Variants in BMP5 observed in about 807,000 individuals in gnomAD.
BMP5 encodes the protein bone morphogenetic protein 5.
A neutral mutation model predicts 46.6 loss-of-function variants in BMP5; 23 were observed. That is an observed-to-expected ratio of 0.49 (90% CI 0.35 to 0.70). The LOEUF (loss-of-function observed/expected upper bound fraction) is 0.70. Ranked by LOEUF, BMP5 falls within the 30% of genes least tolerant of loss-of-function variation. The pLI is 0.00. For missense variants in BMP5, 545 were observed against 565.6 expected, an observed-to-expected ratio of 0.96 and a Z score of 0.37; for synonymous variants, 204 against 191.9, an observed-to-expected ratio of 1.06 and a Z score of -0.52.
chr6:55,844,045 T>C (rs1777035584), intron 1 of BMP5, among the ~76,000 whole-genome samples: 1 of 152,034 alleles, frequency 6.6e-6, no homozygotes. Context: ...TATGAATCTG[T>C]ATTTATAATA....
intron 2 of BMP5, among the ~76,000 whole-genome samples, chr6:55,816,122 A>C (rs1452096020): frequency 6.6e-6 from 1 of 152,120 alleles, no homozygotes; most frequent in Non-Finnish European, 1.5e-5. Context: ...TAAATAACCA[A>C]CTATAAACTC....
intron 1 of BMP5, among the ~76,000 whole-genome samples, chr6:55,828,502 A>AT (rs1327206358): frequency 6.6e-6 from 1 of 151,784 alleles, no homozygotes; most frequent in African/African-American, 2.4e-5. Context: ...TCTCCATGCC[A>AT]TTTTACATAT....
intron 4 of BMP5, chr6:55,772,957 A>T: frequency 1.0e-6 from 1 of 977,836 alleles, no homozygotes; most frequent in Non-Finnish European, 1.2e-6. Context: ...TCTATTTCTT[A>T]TCTAAACACT....
rs764507596 is a variant in BMP5, at chr6:55,774,251, G to A, written c.833-8C>T. 2.3e-5 allele frequency: 37 copies of A among 1,611,384 alleles called. No homozygotes were observed. Among genetic ancestry groups the A allele is most frequent in the East Asian group, 6.7e-5 (3 of 44,848 alleles). On this transcript the variant is annotated splice_polypyrimidine_tract_variant and splice_region_variant and intron_variant, in intron 3 of 6. Transcript: ENST00000370830. ...TTACGTTGATACTGCGTCCTAGAAC[G>A]TAATACAAAAGCACTTGGTTTATGA...
At chr6:55,864,227 A>C (rs1465441404) in intron 1 of BMP5, among the ~76,000 whole-genome samples, 2 of 152,170 alleles carry the variant, frequency 1.3e-5, no homozygotes, top group Non-Finnish European at 2.9e-5. Context: ...ATCTAGCAGT[A>C]ATTATCACTA....
intron 1 of BMP5, among the ~76,000 whole-genome samples, chr6:55,844,325 T>G (rs552720027): frequency 4.3e-4 from 66 of 152,158 alleles, no homozygotes; most frequent in African/African-American, 1.6e-3. Flanking sequence ...ATAAAAACAT[T>G]GGCAGATTCT....
chr6:55,837,337 A>AGATAGAT (rs1554184981), intron 1 of BMP5, among the ~76,000 whole-genome samples: 1 of 98,782 alleles, frequency 1.0e-5, no homozygotes, highest in African/African-American at 4.4e-5. Context: ...AAACTAATTT[A>AGATAGAT]GATAGATAGA....
Position 55,819,665 on chromosome 6 carries a change from A to G in BMP5, c.673T>C (p.Tyr225His). 1 of 1,610,164 alleles carries G rather than the reference A, an allele frequency of 6.2e-7. No individual in the cohort carries two copies. The highest frequency in any genetic ancestry group is 8.5e-7 in the Non-Finnish European group (1 of 1,176,718). The change falls in exon 2 of 7, where the codon TAC becomes CAC. Residue 225 changes from tyrosine (Y) to histidine (H), a missense_variant. Physicochemically the swap from Tyr to His is moderately conservative, Grantham distance 83. Transcript: ENST00000370830. ...KISIYQIIKEYTNRDADLFLL... is the reference protein window; with the variant it reads ...KISIYQIIKEHTNRDADLFLL... The stretch of plus-strand genomic sequence containing the variant: ...ATAAAAAGATTATACCTATTTGTGT[A>G]TTCCTTGATGATTTGATATATGCTA...
At chr6:55,767,227 G>A (rs1057099138) in intron 4 of BMP5, among the ~76,000 whole-genome samples, 3 of 151,934 alleles carry the variant, frequency 2.0e-5, no homozygotes, top group Non-Finnish European at 2.9e-5. Flanking sequence ...CAAAAGATAA[G>A]AAATCCTGTG....
intron 2 of BMP5, among the ~76,000 whole-genome samples, chr6:55,815,790 A>G (rs528386641): frequency 6.6e-6 from 1 of 152,304 alleles, no homozygotes; most frequent in South Asian, 2.1e-4. Flanking sequence ...TGGACTGTTA[A>G]TAAAAATAAG....
At chr6:55,831,778 C>T (rs954416530) in intron 1 of BMP5, among the ~76,000 whole-genome samples, 25 of 152,096 alleles carry the variant, frequency 1.6e-4, no homozygotes, top group African/African-American at 6.0e-4. Context: ...AGACTAAAAA[C>T]CAGTGTTCCC....
At chr6:55,802,186 C>T (rs143219142) in intron 2 of BMP5, among the ~76,000 whole-genome samples, 1 of 152,230 alleles carries the variant, frequency 6.6e-6, no homozygotes, top group African/African-American at 2.4e-5. Context: ...TATGTTGGTC[C>T]AGAGCTCTTA....
At chr6:55,866,720 TG>T (rs1236699789) in intron 1 of BMP5, among the ~76,000 whole-genome samples, 2 of 152,300 alleles carry the variant, frequency 1.3e-5, no homozygotes, top group East Asian at 3.9e-4. Context: ...TTCTGTTTTC[TG>T]GGTAATTTTT....
At chr6:55,785,451 A>T (rs1582063026) in intron 3 of BMP5, among the ~76,000 whole-genome samples, 1 of 150,044 alleles carries the variant, frequency 6.7e-6, no homozygotes, top group Admixed American at 6.6e-5. Context: ...GGCAAATGAC[A>T]AAAAACTAAA....
At chr6:55,786,475 CTTTT>C (rs540586366) in intron 3 of BMP5, among the ~76,000 whole-genome samples, 1 of 150,628 alleles carries the variant, frequency 6.6e-6, no homozygotes, top group Non-Finnish European at 1.5e-5. Flanking sequence ...ATTATTCAGG[CTTTT>C]TTTTTCTTTT....
chr6:55,809,498 A>G (rs1776070633), intron 2 of BMP5, among the ~76,000 whole-genome samples: 1 of 152,178 alleles, frequency 6.6e-6, no homozygotes, highest in Non-Finnish European at 1.5e-5. Context: ...TATAAAAAAT[A>G]AGTAAAATCA....
At chr6:55,830,644 C>G (rs765549099) in intron 1 of BMP5, among the ~76,000 whole-genome samples, 23 of 152,028 alleles carry the variant, frequency 1.5e-4, no homozygotes, top group Admixed American at 2.6e-4. Context: ...GATCTGTTTT[C>G]TGATGCTTTT....
intron 1 of BMP5, among the ~76,000 whole-genome samples, chr6:55,831,012 A>C (rs938184931): frequency 6.6e-6 from 1 of 152,056 alleles, no homozygotes; most frequent in Non-Finnish European, 1.5e-5. Context: ...TTCACTGGCA[A>C]CACCAGGCAC....
At chr6:55,792,141 T>C (rs891323080) in intron 3 of BMP5, among the ~76,000 whole-genome samples, 2 of 152,202 alleles carry the variant, frequency 1.3e-5, no homozygotes, top group African/African-American at 4.8e-5. Flanking sequence ...TTCAACATTG[T>C]AATTAAAAGC....
Sources: allele counts gnomAD v4.1 joint callset (sites outside exome capture counted in the v4.1 genomes callset), GRCh38; gene constraint gnomAD v4.1.1; transcripts MANE v1.5; gene names NCBI Gene and HGNC (gene_info 2026-07-23, HGNC 2026-07-21).